The following SCHIP1 variants were observed in gnomAD, a reference collection of about 807,000 sequenced individuals.
SCHIP1 encodes the protein schwannomin-interacting protein 1.
SCHIP1 carries 8 observed loss-of-function variants against 29.7 expected under a neutral mutation model. The observed-to-expected ratio is 0.27, with a 90% confidence interval of 0.16 to 0.49. The LOEUF (loss-of-function observed/expected upper bound fraction) is 0.49, where lower values mean the gene tolerates loss of function less well. Ranked by LOEUF, SCHIP1 falls within the 20% of genes least tolerant of loss-of-function variation. The pLI is 0.99. For synonymous variants in SCHIP1, 76 were observed against 94.9 expected (o/e 0.80, Z 1.16); for missense variants, 193 against 294.6 (o/e 0.66, Z 2.52).
At chr3:159,531,529 ACT>A in the SCHIP1 span, among the ~76,000 whole-genome samples, 2 of 152,112 alleles carry the variant, frequency 1.3e-5, no homozygotes, top group East Asian at 1.9e-4. Flanking sequence ...AAAAGACCAA[ACT>A]CTCTGCAGAA....
At chr3:159,426,459 A>G in the SCHIP1 span, among the ~76,000 whole-genome samples, 1 of 152,216 alleles carries the variant, frequency 6.6e-6, no homozygotes, top group Non-Finnish European at 1.5e-5. Context: ...TCCTCAACAC[A>G]TACACTCTCC....
the SCHIP1 span, among the ~76,000 whole-genome samples, chr3:159,799,597 T>C: frequency 1.3e-5 from 2 of 152,268 alleles, no homozygotes; most frequent in South Asian, 4.1e-4. Flanking sequence ...AATAAGGGAA[T>C]ATGTGTAAGT....
At chr3:159,752,693 A>G in the SCHIP1 span, among the ~76,000 whole-genome samples, 107 of 152,152 alleles carry the variant, frequency 7.0e-4, 1 homozygote, top group Admixed American at 1.5e-3. Context: ...TATTACGAGA[A>G]CAGCACCAAG....
the SCHIP1 span, among the ~76,000 whole-genome samples, chr3:159,622,543 C>A: frequency 1.3e-5 from 2 of 152,224 alleles, no homozygotes; most frequent in African/African-American, 2.4e-5. Context: ...TTTCATTAAT[C>A]CTTACAAGTG....
the SCHIP1 span, among the ~76,000 whole-genome samples, chr3:159,486,344 G>A: frequency 8.6e-5 from 13 of 152,030 alleles, no homozygotes; most frequent in East Asian, 1.9e-4. Context: ...TCCTATTCCC[G>A]GCTTCTATGA....
the SCHIP1 span, among the ~76,000 whole-genome samples, chr3:159,710,990 AC>A: frequency 2.0e-5 from 3 of 152,108 alleles, no homozygotes; most frequent in Non-Finnish European, 2.9e-5. Context: ...ATAAAACTTG[AC>A]TTGAAAGAAA....
chr3:159,277,193 T>C, the SCHIP1 span, among the ~76,000 whole-genome samples: 1 of 152,162 alleles, frequency 6.6e-6, no homozygotes, highest in Non-Finnish European at 1.5e-5. Context: ...TTTTGTGTGC[T>C]TTGAAACTGA....
the SCHIP1 span, among the ~76,000 whole-genome samples, chr3:159,833,665 C>CA: frequency 6.6e-6 from 1 of 152,186 alleles, no homozygotes; most frequent in Non-Finnish European, 1.5e-5. Flanking sequence ...TTTACAGCTT[C>CA]AACTGTCCTC....
the SCHIP1 span, among the ~76,000 whole-genome samples, chr3:159,326,318 C>A: frequency 8.8e-3 from 1,335 of 152,200 alleles, 10 homozygotes; most frequent in African/African-American, 0.031. Flanking sequence ...TGAACCTGGA[C>A]TCAGTATTAT....
chr3:159,867,859 G>T (rs1577460886), intron 2 of SCHIP1, among the ~76,000 whole-genome samples: 2 of 151,850 alleles, frequency 1.3e-5, no homozygotes, highest in East Asian at 3.9e-4. Flanking sequence ...CTCTGCTACT[G>T]CTCTCTAATA....
At chr3:159,562,728 C>T in the SCHIP1 span, among the ~76,000 whole-genome samples, 1 of 152,288 alleles carries the variant, frequency 6.6e-6, no homozygotes, top group South Asian at 2.1e-4. Flanking sequence ...CCAATTCATC[C>T]TCTCCCAGAA....
chr3:159,558,663 C>G, the SCHIP1 span, among the ~76,000 whole-genome samples: 4 of 152,184 alleles, frequency 2.6e-5, no homozygotes, highest in Admixed American at 2.0e-4. Context: ...AAGTGGGCAC[C>G]TTTGCTCACA....
the SCHIP1 span, among the ~76,000 whole-genome samples, chr3:159,484,016 G>A: frequency 6.6e-6 from 1 of 152,098 alleles, no homozygotes; most frequent in African/African-American, 2.4e-5. Flanking sequence ...ATTTAAAAGA[G>A]GTATTTACAG....
chr3:159,593,238 T>C, the SCHIP1 span, among the ~76,000 whole-genome samples: 1 of 152,118 alleles, frequency 6.6e-6, no homozygotes, highest in East Asian at 1.9e-4. Context: ...AGTAGGTACT[T>C]AAGTGGAATC....
At chr3:159,867,916 G>T (rs1379472985) in intron 2 of SCHIP1, among the ~76,000 whole-genome samples, 1 of 149,434 alleles carries the variant, frequency 6.7e-6, no homozygotes, top group Non-Finnish European at 1.5e-5. Context: ...CAATCTCTCT[G>T]TTCAGCAATG....
chr3:159,417,434 T>C, the SCHIP1 span, among the ~76,000 whole-genome samples: 1 of 152,210 alleles, frequency 6.6e-6, no homozygotes, highest in Non-Finnish European at 1.5e-5. Context: ...ATACGAATTA[T>C]ACAGTCTTGG....
At chr3:159,382,795 C>G in the SCHIP1 span, among the ~76,000 whole-genome samples, 1 of 152,184 alleles carries the variant, frequency 6.6e-6, no homozygotes, top group Non-Finnish European at 1.5e-5. Context: ...TAATGATTGC[C>G]ATTCTAACTG....
At chr3:159,360,082 A>C in the SCHIP1 span, among the ~76,000 whole-genome samples, 1 of 152,240 alleles carries the variant, frequency 6.6e-6, no homozygotes, top group Admixed American at 6.5e-5. Context: ...ATGAATGGAC[A>C]AATGTAAATA....
At chr3:159,569,059 T>G in the SCHIP1 span, among the ~76,000 whole-genome samples, 1 of 152,184 alleles carries the variant, frequency 6.6e-6, no homozygotes, top group Admixed American at 6.6e-5. Flanking sequence ...GGTTGAAACC[T>G]ACCCAATGTA....
Sources: gnomAD v4.1 joint callset for allele counts (sites outside exome capture counted in the v4.1 genomes callset) on GRCh38, gnomAD v4.1.1 for gene constraint, MANE v1.5 for transcripts, NCBI Gene and HGNC (gene_info 2026-07-23, HGNC 2026-07-21) for gene names.